PIKFYVE: variants seen among roughly 807,000 people sequenced by gnomAD.
The protein encoded by PIKFYVE is 1-phosphatidylinositol 3-phosphate 5-kinase.
A neutral mutation model predicts 257.9 loss-of-function variants in PIKFYVE; 122 were observed. The ratio of observed to expected loss-of-function variants is 0.47; its 90% CI spans 0.41 to 0.55. PIKFYVE has a LOEUF of 0.55. PIKFYVE is among the 20% of genes least tolerant of loss of function. PIKFYVE has a pLI of 0.00. For missense variants in PIKFYVE, 2,160 were observed against 2,536.6 expected (o/e 0.85, Z 3.19); for synonymous variants, 892 against 868.9 (o/e 1.03, Z -0.47).
chr2:208,326,463 T>C (rs1485490507), intron 20 of PIKFYVE, 34 bp downstream of exon 20: 1 of 1,599,942 alleles, frequency 6.3e-7, no homozygotes, highest in Non-Finnish European at 8.6e-7. Context: ...CTCCTGTGCA[T>C]TTAGGATGTG....
At chr2:208,338,030 AT>A (rs895071138) in intron 28 of PIKFYVE, among the ~76,000 whole-genome samples, 2 of 147,374 alleles carry the variant, frequency 1.4e-5, no homozygotes, top group East Asian at 2.0e-4. Flanking sequence ...GCTCATTTTT[AT>A]TTTTTTTTTC....
intron 16 of PIKFYVE, 105 bp downstream of exon 16, chr2:208,318,046 A>G: frequency 8.3e-7 from 1 of 1,205,216 alleles, no homozygotes; most frequent in Non-Finnish European, 1.2e-6. Flanking sequence ...ATGGACAATG[A>G]AAGGCAGCTG....
At chr2:208,339,707 C>T in intron 30 of PIKFYVE, 152 bp downstream of exon 30, 1 of 1,140,378 alleles carries the variant, frequency 8.8e-7, no homozygotes. Context: ...GTGGTAACTA[C>T]TTAAATTATA....
chr2:208,351,050 A>G (rs1699727175), intron 37 of PIKFYVE, 103 bp downstream of exon 37: 6 of 1,433,234 alleles, frequency 4.2e-6, no homozygotes, highest in East Asian at 2.4e-5. Flanking sequence ...TTTCATAACT[A>G]TGACTTACTA....
rs1279889754 is a variant in PIKFYVE, at chr2:208,326,243, T to C, written c.3432T>C (p.Asp1144=). Residue 1144 remains aspartate, a synonymous_variant, in exon 20 of 42, where the codon GAT becomes GAC. Transcript: ENST00000264380. ...VSTRIAEHLG[D]SQSLGRMLAD... The stretch of plus-strand genomic sequence containing the variant: ...CTAGAATTGCTGAGCATCTGGGCGA[T>C]AGCCAGAGCTTGGGTAGAATGCTGG... The C allele has an allele frequency of 3.8e-6, 6 of 1,591,222 alleles. No individual in the cohort carries two copies. Among genetic ancestry groups the C allele is most frequent in the South Asian group, 3.5e-5 (3 of 86,934 alleles).
Position 208,355,655 on chromosome 2 carries a change from A to C in PIKFYVE, c.*350A>C, listed in dbSNP as rs941799668. ...TTTAAGAAGAAAACAGTGTCTCATAAATTGACTATCCTGGCATCACATTTA... is the reference window on the plus strand; with the variant it reads ...TTTAAGAAGAAAACAGTGTCTCATACATTGACTATCCTGGCATCACATTTA... On this transcript the variant is annotated 3_prime_UTR_variant, in exon 42 of 42. Coordinates refer to ENST00000264380, the MANE Select transcript of PIKFYVE (RefSeq NM_015040.4). 5 of 203,858 alleles carry C rather than the reference A, an allele frequency of 2.5e-5. No homozygotes were observed. In the South Asian group the frequency reaches 4.4e-4, roughly 18 times the overall value. 12.6% of individuals were successfully genotyped at this position (203,858 alleles called of 1,614,324 possible).
At chr2:208,287,176 T>G (rs996030365) in intron 6 of PIKFYVE, among the ~76,000 whole-genome samples, 1 of 152,028 alleles carries the variant, frequency 6.6e-6, no homozygotes, top group African/African-American at 2.4e-5. Context: ...ACGATAGATA[T>G]GAAAGTTATA....
In PIKFYVE at chr2:208,350,597, T is replaced by G. The variant is rs558416348; in HGVS notation, c.5435-174T>G. Reference sequence around the variant, plus strand: ...TCATACGATGTTCTTTAATTCCCCCTGAAGATCAGTTTAACAAAATTGTGA... The same window carrying G: ...TCATACGATGTTCTTTAATTCCCCCGGAAGATCAGTTTAACAAAATTGTGA... On this transcript the variant is annotated intron_variant, in intron 36 of 41. Coordinates refer to ENST00000264380, the MANE Select transcript of PIKFYVE (RefSeq NM_015040.4). Among the ~76,000 whole-genome samples the G allele has an allele frequency of 5.3e-5, 8 of 152,280 alleles. 1 individual carries two copies. In the South Asian group the frequency reaches 6.2e-4, roughly 12 times the overall value.
chr2:208,349,928 C>A, intron 35 of PIKFYVE, 96 bp from the exon 36 acceptor site: 1 of 1,544,116 alleles, frequency 6.5e-7, no homozygotes, highest in Non-Finnish European at 8.8e-7. Context: ...TTTTAATTTG[C>A]TAAGTTTTTT....
intron 35 of PIKFYVE, among the ~76,000 whole-genome samples, chr2:208,348,472 G>T (rs1408576143): frequency 6.6e-6 from 1 of 151,988 alleles, no homozygotes; most frequent in Non-Finnish European, 1.5e-5. Context: ...TCTAATGCTG[G>T]GTGAGATGGC....
rs1689724173 is a variant in PIKFYVE, at chr2:208,273,705, G to A, written c.294G>A (p.Glu98=). ...CACCTTATAAAAAGCAGCTTAATGA[G>A]GAACTCCAGCGGCGCTCTTCAGCAT... is the stretch of plus-strand genomic sequence containing the variant. The part of the protein sequence containing the change: ...SPTPYKKQLN[E]ELQRRSSALD... Residue 98 remains glutamate (E), a synonymous_variant, in exon 3 of 42, where the codon GAG becomes GAA. Transcript: ENST00000264380. 1.2e-6 allele frequency: 2 copies of A among 1,614,122 alleles called. No individual in the cohort carries two copies. Among genetic ancestry groups the A allele is most frequent in the Non-Finnish European group, 1.7e-6 (2 of 1,180,022 alleles).
chr2:208,296,233 G>C (rs1010967257), intron 7 of PIKFYVE, among the ~76,000 whole-genome samples: 5 of 152,124 alleles, frequency 3.3e-5, no homozygotes, highest in Non-Finnish European at 7.4e-5. Flanking sequence ...TCAAACTCCT[G>C]ACCTCAGGTG....
chr2:208,314,788 T>C (rs1695294539), intron 14 of PIKFYVE, among the ~76,000 whole-genome samples: 3 of 151,968 alleles, frequency 2.0e-5, no homozygotes, highest in Non-Finnish European at 4.4e-5. Context: ...TCCCAACTAC[T>C]CAGAGGCTGA....
At chr2:208,300,007 A>G (rs933076913) in intron 8 of PIKFYVE, among the ~76,000 whole-genome samples, 5 of 152,206 alleles carry the variant, frequency 3.3e-5, no homozygotes, top group African/African-American at 9.6e-5. Context: ...AGCCTGGGCA[A>G]CATAGCAAGA....
rs113999921 is a variant in PIKFYVE at position 208,277,423 on chromosome 2, T to C, written c.442-114T>C. 1,101 of 1,148,070 alleles carry C rather than the reference T, an allele frequency of 9.6e-4. 5 individuals carry two copies. The African/African-American group carries it at 0.015, about 15-fold the overall frequency. The allele number at this position is 1,148,070 out of a possible 1,614,324, so 71.1% of individuals were successfully genotyped here. ...TATTTTGACCTTTCGTATTCCCATA[T>C]GAATTTTTGAATTAGTTTGTTTTCT... On this transcript the variant is annotated intron_variant, in intron 4 of 41. Transcript: ENST00000264380.
intron 24 of PIKFYVE, among the ~76,000 whole-genome samples, chr2:208,333,927 G>A (rs1220482639): frequency 6.6e-6 from 1 of 152,198 alleles, no homozygotes; most frequent in Non-Finnish European, 1.5e-5. Flanking sequence ...AGAAGTGTGA[G>A]CCATCATGTC....
chr2:208,289,740 TAGTAAAATACAG>T (rs991623233), intron 7 of PIKFYVE, among the ~76,000 whole-genome samples: 80 of 152,258 alleles, frequency 5.3e-4, no homozygotes, highest in African/African-American at 1.9e-3. Flanking sequence ...TGTTATTTTT[TAGTAAAATACAG>T]AGATGGGGTT....
At chr2:208,327,614 T>C (rs1475254068) in intron 20 of PIKFYVE, among the ~76,000 whole-genome samples, 1 of 152,202 alleles carries the variant, frequency 6.6e-6, no homozygotes. Context: ...GTATGTAAAC[T>C]AGCAAAAAGA....
chr2:208,269,886 G>T, intron 1 of PIKFYVE: 1 of 300,698 alleles, frequency 3.3e-6, no homozygotes, highest in Admixed American at 4.3e-5. Flanking sequence ...GGCCCATGCT[G>T]CTGCTGGCTT....
Sources: gnomAD v4.1 joint callset for allele counts (sites outside exome capture counted in the v4.1 genomes callset) on GRCh38, gnomAD v4.1.1 for gene constraint, MANE v1.5 for transcripts, NCBI Gene and HGNC (gene_info 2026-07-23, HGNC 2026-07-21) for gene names.